KIAA2012: variants seen among roughly 807,000 people sequenced by gnomAD.
The protein encoded by KIAA2012 is KIAA2012.
KIAA2012 carries 125 observed loss-of-function variants against 150.6 expected under a neutral mutation model. That is an observed-to-expected ratio of 0.83 (90% confidence interval 0.72 to 0.96). KIAA2012 has a LOEUF of 0.96. Ranked by LOEUF, KIAA2012 falls within the 40% of genes least tolerant of loss-of-function variation. The pLI is 0.00. For synonymous variants in KIAA2012, 462 were observed against 504.7 expected (o/e 0.92, Z 1.13); for missense variants, 1,219 against 1,354.9 (o/e 0.90, Z 1.57).
At chr2:202,101,653 C>T (rs1049775361) in intron 7 of KIAA2012, among the ~76,000 whole-genome samples, 2 of 152,178 alleles carry the variant, frequency 1.3e-5, no homozygotes, top group African/African-American at 4.8e-5. Context: ...TTTGAGTTTC[C>T]ACATTGATTT....
At chr2:202,144,790 G>A (rs1299670885) in intron 13 of KIAA2012, among the ~76,000 whole-genome samples, 2 of 152,156 alleles carry the variant, frequency 1.3e-5, no homozygotes, top group Non-Finnish European at 2.9e-5. Context: ...CCAGAAGTTC[G>A]AAACTAGCCA....
Position 202,073,539 on chromosome 2 carries a change from G to A in KIAA2012, c.-89G>A. ...TGTTTGTGGTCTTCTTGGGCTTGCT[G>A]TGAGCTCTGGAAATCTTGAGGTGTG... On this transcript the variant is annotated 5_prime_UTR_variant, in exon 1 of 24. The change creates a new upstream start codon in the 5' untranslated region. Transcript: ENST00000498697. The A allele has an allele frequency of 8.6e-7, 1 of 1,164,574 alleles. No homozygotes were observed. Among genetic ancestry groups the A allele is most frequent in the South Asian group, 1.4e-5 (1 of 72,024 alleles). The allele number at this position is 1,164,574 out of a possible 1,614,324, so 72.1% of individuals were successfully genotyped here. A position where few individuals can be genotyped will look rare whatever the true frequency, so the allele number is the denominator to read the frequency against.
At chr2:202,090,211 T>A (rs754601957) in intron 2 of KIAA2012, among the ~76,000 whole-genome samples, 4 of 152,260 alleles carry the variant, frequency 2.6e-5, no homozygotes, top group Admixed American at 6.5e-5. Context: ...GATGTTATTA[T>A]TCATATTTAT....
intron 11 of KIAA2012, among the ~76,000 whole-genome samples, chr2:202,122,494 C>T (rs966155344): frequency 1.0e-4 from 14 of 140,376 alleles, no homozygotes; most frequent in African/African-American, 3.7e-4. Context: ...TACTCAAATC[C>T]GCTCTTTTTT....
At chr2:202,077,431 T>C (rs1377395755) in intron 2 of KIAA2012, among the ~76,000 whole-genome samples, 3 of 152,192 alleles carry the variant, frequency 2.0e-5, no homozygotes, top group Non-Finnish European at 4.4e-5. Flanking sequence ...AGTTTCATTT[T>C]TGGTTATATT....
At chr2:202,098,459 G>A (rs567285992) in intron 5 of KIAA2012, among the ~76,000 whole-genome samples, 43 of 152,312 alleles carry the variant, frequency 2.8e-4, no homozygotes, top group African/African-American at 1.0e-3. Context: ...GATACAGAGA[G>A]CTTGGAGAAG....
At chr2:202,105,947 T>C in intron 9 of KIAA2012, 37 bp downstream of exon 9, 4 of 1,550,646 alleles carry the variant, frequency 2.6e-6, no homozygotes, top group Non-Finnish European at 3.5e-6. Flanking sequence ...CTCGGGAACC[T>C]CACTCTGAAG....
At chr2:202,200,088 G>A (rs545373963) in intron 22 of KIAA2012, among the ~76,000 whole-genome samples, 3 of 151,692 alleles carry the variant, frequency 2.0e-5, no homozygotes, top group East Asian at 1.9e-4. Flanking sequence ...ATGCCACCAC[G>A]CCCAGCTAAT....
intron 11 of KIAA2012, chr2:202,114,728 A>T (rs530228414): frequency 8.6e-5 from 14 of 163,172 alleles, no homozygotes; most frequent in African/African-American, 3.1e-4. Flanking sequence ...ATGTTCATTT[A>T]AATTTTTTGA....
At chr2:202,138,409 T>C (rs1243065535) in intron 12 of KIAA2012, 23 bp from the exon 13 acceptor site, 1 of 1,542,046 alleles carries the variant, frequency 6.5e-7, no homozygotes, top group African/African-American at 1.4e-5. Flanking sequence ...TTGATCTTTT[T>C]TCCTCTTTGA....
chr2:202,086,235 G>A lies in KIAA2012; in HGVS notation c.370-4535G>A, dbSNP rs944514712. On this transcript the variant is annotated intron_variant, in intron 2 of 23. Transcript: ENST00000498697. ...TGCCCACTAATGAGAACCTGCAAGG[G>A]TTCCTGTCCAGACTCAAACAGCACA... Among the ~76,000 whole-genome samples, 253 of 151,400 alleles carry A rather than the reference G, an allele frequency of 1.7e-3. 1 individual carries two copies. The highest frequency in any genetic ancestry group is 4.1e-4 in the Non-Finnish European group (28 of 67,884).
chr2:202,073,649 A>G lies in KIAA2012; in HGVS notation c.22A>G (p.Ser8Gly). 3.2e-6 allele frequency: 5 copies of G among 1,550,366 alleles called. No homozygotes were observed. Among genetic ancestry groups the G allele is most frequent in the Non-Finnish European group, 4.4e-6 (5 of 1,146,924 alleles). MFTLSLLSRGHGKLGQDK... is the reference protein window; with the variant it reads MFTLSLLGRGHGKLGQDK... ...AAACATGTTCACGCTCTCCCTCCTGAGCCGGGGCCACGGGAAGCTGGGCCA... is the reference window on the plus strand; with the variant it reads ...AAACATGTTCACGCTCTCCCTCCTGGGCCGGGGCCACGGGAAGCTGGGCCA... The change falls in exon 1 of 24, where the codon AGC (serine) becomes GGC (glycine). Residue 8 changes from serine (S) to glycine (G), a missense_variant. Coordinates refer to ENST00000498697, the MANE Select transcript of KIAA2012 (RefSeq NM_001277372.4).
At position 202,190,280 on chromosome 2, in the gene KIAA2012, C is replaced by G. The variant is rs1351696312; in HGVS notation, c.2598C>G (p.Ser866Arg). Residue 866 changes from serine to arginine, a missense_variant, in exon 19 of 24, where the codon AGC becomes AGG. Coordinates refer to ENST00000498697, the MANE Select transcript of KIAA2012 (RefSeq NM_001277372.4). ...ATCTGGAGATAGCGGCAGAGCTGAG[C>G]GGGCCTGATGTCAGCTATGAGGAAA... ...ERNLEIAAELSGPDVSYEETE... is the reference protein window; with the variant it reads ...ERNLEIAAELRGPDVSYEETE... 5 of 1,550,488 alleles carry G rather than the reference C, an allele frequency of 3.2e-6. No homozygotes were observed. Among genetic ancestry groups the G allele is most frequent in the Admixed American group, 2.0e-5 (1 of 50,964 alleles).
intron 2 of KIAA2012, among the ~76,000 whole-genome samples, chr2:202,087,945 A>G (rs1689612508): frequency 6.6e-6 from 1 of 151,786 alleles, no homozygotes; most frequent in Non-Finnish European, 1.5e-5. Flanking sequence ...ACTTTCCTGG[A>G]TTCAACCAAC....
intron 12 of KIAA2012, among the ~76,000 whole-genome samples, chr2:202,130,931 A>C (rs1690914719): frequency 6.6e-6 from 1 of 152,094 alleles, no homozygotes; most frequent in Non-Finnish European, 1.5e-5. Flanking sequence ...TAAATAAATA[A>C]ATAAATAAAA....
chr2:202,189,144 G>A (rs1446325025), intron 18 of KIAA2012, among the ~76,000 whole-genome samples: 1 of 152,174 alleles, frequency 6.6e-6, no homozygotes, highest in Admixed American at 6.6e-5. Context: ...TGAAGCGAAG[G>A]AAGGGTCCTT....
chr2:202,110,522 T>C (rs1428908554), intron 10 of KIAA2012, among the ~76,000 whole-genome samples: 1 of 152,194 alleles, frequency 6.6e-6, no homozygotes, highest in African/African-American at 2.4e-5. Context: ...TGTTTCTGCT[T>C]CGTTGAAGGC....
At chr2:202,195,926 C>G (rs1225083920) in intron 21 of KIAA2012, among the ~76,000 whole-genome samples, 5 of 152,160 alleles carry the variant, frequency 3.3e-5, no homozygotes, top group Non-Finnish European at 5.9e-5. Context: ...ATCCACTCAT[C>G]TATTGATGGA....
chr2:202,204,476 T>C (rs1485886824), intron 23 of KIAA2012, among the ~76,000 whole-genome samples: 1 of 152,220 alleles, frequency 6.6e-6, no homozygotes, highest in African/African-American at 2.4e-5. Context: ...ACAAGTTATA[T>C]AAAAGGATGT....
Sources: allele counts gnomAD v4.1 joint callset (sites outside exome capture counted in the v4.1 genomes callset), GRCh38; gene constraint gnomAD v4.1.1; transcripts MANE v1.5; gene names NCBI Gene and HGNC (gene_info 2026-07-23, HGNC 2026-07-21).